ERBB4: variants seen among roughly 807,000 people sequenced by gnomAD.
ERBB4 encodes the protein erb-b2 receptor tyrosine kinase 4, also known as receptor tyrosine-protein kinase erbB-4.
ERBB4 carries 42 observed loss-of-function variants against 158.0 expected under a neutral mutation model. The observed-to-expected ratio is 0.27, with a 90% CI of 0.21 to 0.34. ERBB4 has a LOEUF of 0.34. ERBB4 is among the 10% of genes least tolerant of loss of function. The probability of loss-of-function intolerance (pLI) is 1.00; values close to 1 mark genes in which losing one functional copy is unlikely to be tolerated. For synonymous variants in ERBB4, 583 were observed against 558.7 expected, an observed-to-expected ratio of 1.04 and a Z score of -0.61; for missense variants, 1,333 against 1,624.1, an observed-to-expected ratio of 0.82 and a Z score of 3.08.
Position 211,897,600 on chromosome 2 carries a change from G to A in ERBB4, c.421+49830C>T, listed in dbSNP as rs564834801. Among the ~76,000 whole-genome samples the A allele has an allele frequency of 2.0e-5, 3 of 152,170 alleles. No individual in the cohort carries two copies. The East Asian group carries it at 5.8e-4, about 29-fold the overall frequency. On this transcript the variant is annotated intron_variant, in intron 3 of 27. Coordinates refer to ENST00000342788, the MANE Select transcript of ERBB4 (RefSeq NM_005235.3). ...CAGCAGGCCTTCCCTCCTTGACCCT[G>A]CCTCAACCAGGAAAAAAATAATGTG... is the stretch of plus-strand genomic sequence containing the variant.
At chr2:212,219,930 T>G (rs1389664000) in intron 1 of ERBB4, among the ~76,000 whole-genome samples, 2 of 143,916 alleles carry the variant, frequency 1.4e-5, no homozygotes, top group Admixed American at 1.4e-4. Context: ...AATTCAGGAA[T>G]GAAAAATGTA....
chr2:211,418,132 AT>A (rs2063434393), intron 25 of ERBB4, among the ~76,000 whole-genome samples: 1 of 151,220 alleles, frequency 6.6e-6, no homozygotes, highest in South Asian at 2.1e-4. Flanking sequence ...CTTAAGAAAT[AT>A]TTGATCAAAA....
intron 25 of ERBB4, among the ~76,000 whole-genome samples, chr2:211,418,856 C>A (rs2063452153): frequency 6.6e-6 from 1 of 152,038 alleles, no homozygotes; most frequent in Non-Finnish European, 1.5e-5. Context: ...CATTACCTAT[C>A]CATTGATCTA....
At chr2:211,996,358 A>T (rs985614212) in intron 2 of ERBB4, among the ~76,000 whole-genome samples, 3 of 152,044 alleles carry the variant, frequency 2.0e-5, no homozygotes, top group Non-Finnish European at 2.9e-5. Flanking sequence ...TGATACTAGA[A>T]CATGTTTCTG....
rs1285664400 is a variant in ERBB4, at chr2:211,834,092, T to A, written c.422-45933A>T. ...TCCGCAATTTGCTACCATGTCAGTT[T>A]GCTTCAAGATGTGTTTGATGGGTTG... On this transcript the variant is annotated intron_variant, in intron 3 of 27. Transcript: ENST00000342788. 2.0e-5 allele frequency among the ~76,000 whole-genome samples: 3 copies of A among 152,176 alleles called. No individual in the cohort carries two copies. In the East Asian group the frequency reaches 5.8e-4, roughly 29 times the overall value.
At chr2:211,923,510 T>C (rs2079928354) in intron 3 of ERBB4, among the ~76,000 whole-genome samples, 1 of 152,130 alleles carries the variant, frequency 6.6e-6, no homozygotes, top group South Asian at 2.1e-4. Flanking sequence ...TTGCTTATAC[T>C]AGGCAAGACT....
intron 5 of ERBB4, among the ~76,000 whole-genome samples, chr2:211,747,488 T>C (rs1463124257): frequency 1.3e-5 from 2 of 152,138 alleles, no homozygotes; most frequent in African/African-American, 4.8e-5. Context: ...GGGCTGACCA[T>C]CTAGAAGGGG....
At chr2:211,912,964 C>T (rs1174012838) in intron 3 of ERBB4, among the ~76,000 whole-genome samples, 11 of 152,306 alleles carry the variant, frequency 7.2e-5, no homozygotes, top group African/African-American at 2.2e-4. Context: ...TGTCTTGCCA[C>T]TAAAATCTGA....
chr2:211,428,409 A>G lies in ERBB4; in HGVS notation c.2718T>C (p.Tyr906=), dbSNP rs753243008. 3 of 1,559,982 alleles carry G rather than the reference A, an allele frequency of 1.9e-6. No individual in the cohort carries two copies. Among genetic ancestry groups the G allele is most frequent in the East Asian group, 2.3e-5 (1 of 44,404 alleles). The change falls in exon 22 of 28, where the codon TAT becomes TAC. Residue 906 remains tyrosine (Y), a splice_region_variant and synonymous_variant. Transcript: ENST00000342788. The part of the protein sequence containing the change: ...KFTHQSDVWS[Y]GVTIWELMTF... ...AATTCGCAAAGAAGATTTATTTACC[A>G]TAGCTCCAAACGTCACTCTGATGGG...
chr2:212,410,652 T>A (rs1303053001), intron 1 of ERBB4, among the ~76,000 whole-genome samples: 1 of 152,060 alleles, frequency 6.6e-6, no homozygotes, highest in Non-Finnish European at 1.5e-5. Flanking sequence ...TGAATGTTTT[T>A]CAAATAATAA....
chr2:212,256,137 T>G (rs1319771661), intron 1 of ERBB4, among the ~76,000 whole-genome samples: 2 of 151,956 alleles, frequency 1.3e-5, no homozygotes, highest in Non-Finnish European at 2.9e-5. Flanking sequence ...CTCAGGTTTG[T>G]GTTGTTTAAT....
intron 1 of ERBB4, among the ~76,000 whole-genome samples, chr2:212,409,473 T>C (rs1416522207): frequency 6.6e-6 from 1 of 152,276 alleles, no homozygotes; most frequent in African/African-American, 2.4e-5. Context: ...TGATTGTATA[T>C]GTAAATATAA....
Position 211,580,879 on chromosome 2 carries a change from A to G in ERBB4, c.2302-18791T>C, listed in dbSNP as rs796669258. On this transcript the variant is annotated intron_variant, in intron 19 of 27. Coordinates refer to ENST00000342788, the MANE Select transcript of ERBB4 (RefSeq NM_005235.3). ...AGTATGCATATACATATATATATAT[A>G]TATATATATATATATATATATATAT... Among the ~76,000 whole-genome samples the G allele has an allele frequency of 1.1e-3, 71 of 67,106 alleles. 5 individuals are homozygous for G. Among genetic ancestry groups the G allele is most frequent in the African/African-American group, 5.3e-3 (56 of 10,656 alleles). The allele number at this position is 67,106 out of a possible 152,430, so 44.0% of individuals were successfully genotyped here. A position where few individuals can be genotyped will look rare whatever the true frequency, so the allele number is the denominator to read the frequency against.
rs952712753 is a variant in ERBB4 at position 211,938,171 on chromosome 2, A to G, written c.421+9259T>C. On this transcript the variant is annotated intron_variant, in intron 3 of 27. Coordinates refer to ENST00000342788, the MANE Select transcript of ERBB4 (RefSeq NM_005235.3). Reference sequence around the variant, plus strand: ...ACCAAAATCAAACTTCTCCTCAAAAAATAATCACATTTATTTCCAGAACTG... The same window carrying G: ...ACCAAAATCAAACTTCTCCTCAAAAGATAATCACATTTATTTCCAGAACTG... Among the ~76,000 whole-genome samples the G allele has an allele frequency of 1.6e-4, 25 of 152,188 alleles. 1 individual carries two copies. The highest frequency in any genetic ancestry group is 7.7e-4 in the East Asian group (4 of 5,204).
intron 20 of ERBB4, among the ~76,000 whole-genome samples, chr2:211,487,619 G>A (rs543184163): frequency 2.6e-5 from 4 of 152,112 alleles, no homozygotes; most frequent in South Asian, 4.1e-4. Flanking sequence ...AAACAATGGC[G>A]TTGCAATGTT....
At chr2:211,903,565 TGAGTA>T (rs1182122188) in intron 3 of ERBB4, among the ~76,000 whole-genome samples, 1 of 152,060 alleles carries the variant, frequency 6.6e-6, no homozygotes, top group Admixed American at 6.6e-5. Flanking sequence ...TTCATCTACT[TGAGTA>T]AACAATTTAA....
chr2:211,648,765 G>A (rs893472063), intron 16 of ERBB4, among the ~76,000 whole-genome samples: 2 of 151,716 alleles, frequency 1.3e-5, no homozygotes, highest in African/African-American at 4.8e-5. Flanking sequence ...AAATCCTACA[G>A]TATGATCTAG....
chr2:212,535,985 TG>T, intron 1 of ERBB4, among the ~76,000 whole-genome samples: 1 of 152,350 alleles, frequency 6.6e-6, no homozygotes, highest in South Asian at 2.1e-4. Flanking sequence ...TGTCTAATAA[TG>T]CGAGAAGCAG....
chr2:212,163,794 A>AT (rs1212392536), intron 1 of ERBB4, among the ~76,000 whole-genome samples: 1 of 151,756 alleles, frequency 6.6e-6, no homozygotes, highest in Non-Finnish European at 1.5e-5. Context: ...ATACTGATCA[A>AT]TTTTTTGTTT....
Sources: gnomAD v4.1 joint callset for allele counts (sites outside exome capture counted in the v4.1 genomes callset) on GRCh38, gnomAD v4.1.1 for gene constraint, MANE v1.5 for transcripts, NCBI Gene and HGNC (gene_info 2026-07-23, HGNC 2026-07-21) for gene names.